VWA3B: variants seen among roughly 807,000 people sequenced by gnomAD.
VWA3B encodes von Willebrand factor A domain-containing protein 3B.
A neutral mutation model predicts 158.3 loss-of-function variants in VWA3B; 138 were observed. The observed-to-expected ratio is 0.87, with a 90% CI of 0.76 to 1.00. VWA3B has a LOEUF of 1.00. Among genes scored for constraint, VWA3B ranks in the 50% least tolerant of loss-of-function variants. The pLI is 0.00. For missense variants in VWA3B, 1,555 were observed against 1,565.1 expected, an observed-to-expected ratio of 0.99 and a Z score of 0.11; for synonymous variants, 596 against 587.3, an observed-to-expected ratio of 1.01 and a Z score of -0.21.
intron 21 of VWA3B, among the ~76,000 whole-genome samples, chr2:98,256,551 T>C (rs1405153754): frequency 6.6e-6 from 1 of 152,184 alleles, no homozygotes; most frequent in East Asian, 1.9e-4. Context: ...CAGTACTACA[T>C]GTGTATATAT....
chr2:98,187,662 GTC>G (rs1283179893), intron 9 of VWA3B, among the ~76,000 whole-genome samples: 8 of 96,830 alleles, frequency 8.3e-5, no homozygotes, highest in African/African-American at 2.4e-4. Flanking sequence ...CCGTCTCTGT[GTC>G]TGTGTGTGTG....
At chr2:98,295,038 G>A (rs1238469490) in intron 23 of VWA3B, among the ~76,000 whole-genome samples, 1 of 152,148 alleles carries the variant, frequency 6.6e-6, no homozygotes, top group Non-Finnish European at 1.5e-5. Context: ...CTCCTCTCCT[G>A]GGGAGGAGGG....
chr2:98,187,929 C>T (rs376273462), intron 9 of VWA3B, 46 bp from the exon 10 acceptor site: 5 of 1,534,272 alleles, frequency 3.3e-6, no homozygotes, highest in Middle Eastern at 1.8e-4. Flanking sequence ...AGGCTCTTCT[C>T]TTTGGACAGT....
chr2:98,322,492 A>C, the VWA3B span, among the ~76,000 whole-genome samples: 1 of 152,250 alleles, frequency 6.6e-6, no homozygotes, highest in Non-Finnish European at 1.5e-5. Context: ...ATTCCTAGCT[A>C]GCCCCTAAAT....
chr2:98,220,224 C>G (rs1034471703), intron 14 of VWA3B, among the ~76,000 whole-genome samples: 3 of 150,328 alleles, frequency 2.0e-5, no homozygotes, highest in Admixed American at 6.6e-5. Context: ...CACCAACAAG[C>G]CTGCGGTACC....
In VWA3B at chr2:98,103,713, T is replaced by C. The variant is rs778905912; in HGVS notation, c.196+10425T>C. 1.4e-3 allele frequency among the ~76,000 whole-genome samples: 207 copies of C among 152,342 alleles called. 3 individuals carry two copies. Among genetic ancestry groups the C allele is most frequent in the Admixed American group, 4.1e-3 (63 of 15,310 alleles). On this transcript the variant is annotated intron_variant, in intron 2 of 27. Transcript: ENST00000477737. ...AGAGTCTATCTTGGCAAACATTGCA[T>C]GCACACTTGAAAAGAGTGTGCATTC...
At chr2:98,090,918 G>A (rs1682242004) in intron 1 of VWA3B, among the ~76,000 whole-genome samples, 1 of 150,504 alleles carries the variant, frequency 6.6e-6, no homozygotes, top group Admixed American at 6.6e-5. Flanking sequence ...ACCATGCCTG[G>A]CTAATTAAAA....
the VWA3B span, among the ~76,000 whole-genome samples, chr2:98,318,889 AC>A: frequency 6.6e-6 from 1 of 152,150 alleles, no homozygotes; most frequent in South Asian, 2.1e-4. Context: ...GGTTCCAGCA[AC>A]CCCTTGGATA....
intron 5 of VWA3B, 88 bp downstream of exon 5, chr2:98,121,546 A>C: frequency 6.6e-7 from 1 of 1,514,912 alleles, no homozygotes; most frequent in South Asian, 1.2e-5. Context: ...CGGCCCTTCA[A>C]CTGATCTTGG....
rs750806774 is a variant in VWA3B, at chr2:98,182,886, C to T, written c.1311+1674C>T. Among the ~76,000 whole-genome samples, 7 of 152,056 alleles carry T rather than the reference C, an allele frequency of 4.6e-5. No individual in the cohort carries two copies. In the South Asian group the frequency reaches 6.2e-4, roughly 14 times the overall value. On this transcript the variant is annotated intron_variant, in intron 9 of 27. Coordinates refer to ENST00000477737, the MANE Select transcript of VWA3B (RefSeq NM_144992.5). ...TTGCGCCATTGCACTCCAGCCTGGGCGGCAGAGGGAGACTTTGTCTCAAAA... is the reference window on the plus strand; with the variant it reads ...TTGCGCCATTGCACTCCAGCCTGGGTGGCAGAGGGAGACTTTGTCTCAAAA...
chr2:98,260,949 C>T (rs79155229), intron 21 of VWA3B, among the ~76,000 whole-genome samples: 1 of 151,616 alleles, frequency 6.6e-6, no homozygotes, highest in African/African-American at 2.4e-5. Flanking sequence ...TTTTTAAGCA[C>T]CATATATTTG....
chr2:98,097,161 T>C (rs1324115578), intron 2 of VWA3B, among the ~76,000 whole-genome samples: 2 of 152,166 alleles, frequency 1.3e-5, no homozygotes, highest in African/African-American at 4.8e-5. Context: ...TATGGATGAA[T>C]TGTATAGTGG....
chr2:98,089,438 A>C (rs1482562881), intron 1 of VWA3B, among the ~76,000 whole-genome samples: 1 of 150,924 alleles, frequency 6.6e-6, no homozygotes, highest in Non-Finnish European at 1.5e-5. Context: ...TTGAAATGAG[A>C]CTTGCAGGCT....
intron 12 of VWA3B, chr2:98,206,075 G>T (rs1682991503): frequency 6.6e-6 from 1 of 152,186 alleles, no homozygotes; most frequent in Non-Finnish European, 1.5e-5. Flanking sequence ...CTCCGTCCTT[G>T]CTGATTGGTT....
chr2:98,210,115 G>A (rs1049953028), intron 12 of VWA3B, among the ~76,000 whole-genome samples: 13 of 152,192 alleles, frequency 8.5e-5, no homozygotes, highest in African/African-American at 3.1e-4. Context: ...GTACTCAATA[G>A]TTGTTGTTTT....
intron 8 of VWA3B, among the ~76,000 whole-genome samples, chr2:98,172,694 G>A (rs1573979722): frequency 6.6e-6 from 1 of 152,210 alleles, no homozygotes; most frequent in East Asian, 1.9e-4. Context: ...GGGAGATGGA[G>A]GTGTCAAAAG....
chr2:98,143,670 T>G (rs1676952724), intron 7 of VWA3B, among the ~76,000 whole-genome samples: 1 of 152,100 alleles, frequency 6.6e-6, no homozygotes, highest in Non-Finnish European at 1.5e-5. Context: ...CAGACCTGTA[T>G]GAATTTGTCA....
chr2:98,248,876 TTTCTTTCTC>T (rs1686602938), intron 19 of VWA3B, among the ~76,000 whole-genome samples: 1 of 9,014 alleles, frequency 1.1e-4, no homozygotes, highest in Non-Finnish European at 1.6e-4. Context: ...TCTTTCTTTC[TTTCTTTCTC>T]TCTTTCCTTT....
chr2:98,228,388 T>TGCCCCCTGGGCCC, intron 15 of VWA3B, 56 bp downstream of exon 15: 1 of 1,557,402 alleles, frequency 6.4e-7, no homozygotes, highest in South Asian at 1.2e-5. Flanking sequence ...GAGCTGGGCT[T>TGCCCCCTGGGCCC]GCCCCCTGGG....
Sources: gnomAD v4.1 joint callset for allele counts (sites outside exome capture counted in the v4.1 genomes callset) on GRCh38, gnomAD v4.1.1 for gene constraint, MANE v1.5 for transcripts, NCBI Gene and HGNC (gene_info 2026-07-23, HGNC 2026-07-21) for gene names.